The following PAN3 variants were observed in gnomAD, a reference collection of about 807,000 sequenced individuals.
The protein encoded by PAN3 is poly(A) specific ribonuclease subunit PAN3.
PAN3 carries 19 observed loss-of-function variants against 96.2 expected under a neutral mutation model. The observed-to-expected ratio is 0.20, with a 90% CI of 0.14 to 0.29. The LOEUF (loss-of-function observed/expected upper bound fraction) is 0.29. Among genes scored for constraint, PAN3 ranks in the 10% least tolerant of loss-of-function variants. PAN3 has a pLI of 1.00. For synonymous variants in PAN3, 433 were observed against 406.6 expected, an observed-to-expected ratio of 1.06 and a Z score of -0.78; for missense variants, 882 against 1,108.1, an observed-to-expected ratio of 0.80 and a Z score of 2.90.
chr13:28,203,812 T>TTTTC (rs1879036713), intron 5 of PAN3, among the ~76,000 whole-genome samples: 1 of 150,800 alleles, frequency 6.6e-6, no homozygotes, highest in African/African-American at 2.4e-5. Flanking sequence ...CTTTTCTTTT[T>TTTTC]TTTTTTTTTT....
chr13:28,249,780 C>G (rs1201037435), intron 6 of PAN3, among the ~76,000 whole-genome samples: 1 of 152,118 alleles, frequency 6.6e-6, no homozygotes, highest in African/African-American at 2.4e-5. Context: ...TTGAGCCTTC[C>G]TGTCCCCCTT....
At chr13:28,246,100 A>G (rs1884158086) in intron 6 of PAN3, among the ~76,000 whole-genome samples, 1 of 152,318 alleles carries the variant, frequency 6.6e-6, no homozygotes, top group East Asian at 1.9e-4. Context: ...CCTAGTGTGT[A>G]TGAAACAGTA....
At chr13:28,235,624 G>T in intron 6 of PAN3, among the ~76,000 whole-genome samples, 1 of 148,952 alleles carries the variant, frequency 6.7e-6, no homozygotes. Context: ...CCATTTCTTT[G>T]CTTTTATAGT....
At chr13:28,169,014 T>C (rs967174328) in intron 1 of PAN3, among the ~76,000 whole-genome samples, 1 of 145,824 alleles carries the variant, frequency 6.9e-6, no homozygotes, top group African/African-American at 2.6e-5. Flanking sequence ...AGACTCCGTC[T>C]CAAAAAAAAA....
intron 1 of PAN3, among the ~76,000 whole-genome samples, chr13:28,173,078 A>T (rs1304015406): frequency 6.6e-6 from 1 of 152,204 alleles, no homozygotes; most frequent in Non-Finnish European, 1.5e-5. Flanking sequence ...TGATTCAGCT[A>T]TACATTGTTA....
chr13:28,225,178 T>A (rs1881862810), intron 6 of PAN3, among the ~76,000 whole-genome samples: 3 of 152,182 alleles, frequency 2.0e-5, no homozygotes, highest in Non-Finnish European at 4.4e-5. Context: ...ACCCTTTTTT[T>A]AAATAAACAT....
At chr13:28,280,288 A>C in intron 15 of PAN3, 124 bp from the exon 16 acceptor site, 3 of 1,159,678 alleles carry the variant, frequency 2.6e-6, no homozygotes, top group Non-Finnish European at 1.2e-6. Flanking sequence ...GACTTGCATG[A>C]ATTAAAATGT....
At chr13:28,158,071 G>A (rs965438688) in intron 1 of PAN3, among the ~76,000 whole-genome samples, 14 of 152,238 alleles carry the variant, frequency 9.2e-5, no homozygotes, top group Middle Eastern at 3.4e-3. Context: ...GATCTTCCAC[G>A]GAGTTGACAA....
chr13:28,278,108 A>C (rs1341149908), intron 15 of PAN3, among the ~76,000 whole-genome samples: 1 of 152,246 alleles, frequency 6.6e-6, no homozygotes, highest in African/African-American at 2.4e-5. Context: ...GTGCTAATCA[A>C]CAGTCTCTTT....
chr13:28,146,254 T>A (rs917345737), intron 1 of PAN3, among the ~76,000 whole-genome samples: 3 of 151,822 alleles, frequency 2.0e-5, no homozygotes, highest in African/African-American at 7.3e-5. Context: ...TTAAAATATA[T>A]GTATACCATA....
In PAN3 at chr13:28,144,664, T is replaced by C. The variant is rs1870370397; in HGVS notation, c.430+5577T>C. Among the ~76,000 whole-genome samples, 3 of 151,456 alleles carry C rather than the reference T, an allele frequency of 2.0e-5. No homozygotes were observed. The South Asian group carries it at 6.2e-4, about 31-fold the overall frequency. The stretch of plus-strand genomic sequence containing the variant: ...TATGATCATAGACTGAAAGTGCATT[T>C]GAAATGACCCTTTAAGAAGATAAAT... On this transcript the variant is annotated intron_variant, in intron 1 of 18. Transcript: ENST00000380958.
At chr13:28,274,471 G>A (rs377361376) in intron 14 of PAN3, among the ~76,000 whole-genome samples, 16 of 150,324 alleles carry the variant, frequency 1.1e-4, no homozygotes, top group African/African-American at 3.9e-4. Flanking sequence ...TCTAATGTAA[G>A]TATCTAGAAA....
At chr13:28,254,499 A>C (rs909851448) in intron 6 of PAN3, among the ~76,000 whole-genome samples, 4 of 152,170 alleles carry the variant, frequency 2.6e-5, no homozygotes, top group African/African-American at 4.8e-5. Flanking sequence ...AGTCTTAGAG[A>C]CTAGCTTTAG....
chr13:28,277,720 A>G (rs1462198067), intron 15 of PAN3, among the ~76,000 whole-genome samples: 1 of 152,224 alleles, frequency 6.6e-6, no homozygotes, highest in Non-Finnish European at 1.5e-5. Context: ...AGCCACATGT[A>G]ATTACTGGCT....
chr13:28,207,945 C>T (rs1305575214), intron 5 of PAN3, among the ~76,000 whole-genome samples: 1 of 152,130 alleles, frequency 6.6e-6, no homozygotes, highest in Non-Finnish European at 1.5e-5. Context: ...CACTGCCTTG[C>T]ACAGTGTCTT....
At chr13:28,256,236 T>C in intron 6 of PAN3, 56 bp from the exon 7 acceptor site, 1 of 1,535,338 alleles carries the variant, frequency 6.5e-7, no homozygotes, top group South Asian at 1.2e-5. Context: ...TTTTCCAGAC[T>C]TGTTCTCTAA....
intron 14 of PAN3, among the ~76,000 whole-genome samples, chr13:28,273,922 A>T (rs1363193590): frequency 6.6e-6 from 1 of 152,240 alleles, no homozygotes; most frequent in Non-Finnish European, 1.5e-5. Context: ...GAGAACAAAA[A>T]GGATAAAATG....
chr13:28,215,456 C>CT (rs1183775069), intron 5 of PAN3: 2 of 694,948 alleles, frequency 2.9e-6, no homozygotes, highest in African/African-American at 1.8e-5. Context: ...ATGAATGTGT[C>CT]TGTCAAAGAT....
chr13:28,261,322 T>C, intron 8 of PAN3, 79 bp from the exon 9 acceptor site: 2 of 980,570 alleles, frequency 2.0e-6, no homozygotes, highest in Non-Finnish European at 3.0e-6. Flanking sequence ...ATATTAATAC[T>C]TAGGTTATTT....
Sources: gnomAD v4.1 joint callset for allele counts (sites outside exome capture counted in the v4.1 genomes callset) on GRCh38, gnomAD v4.1.1 for gene constraint, MANE v1.5 for transcripts, NCBI Gene and HGNC (gene_info 2026-07-23, HGNC 2026-07-21) for gene names.